Variants in PDE8B observed in about 807,000 individuals in gnomAD.
The protein encoded by PDE8B is phosphodiesterase 8B.
Under a neutral mutation model 101.3 loss-of-function variants are expected in PDE8B, and 26 were observed. The ratio of observed to expected loss-of-function variants is 0.26; its 90% CI spans 0.19 to 0.36. The LOEUF (loss-of-function observed/expected upper bound fraction) is 0.36, where lower values mean the gene tolerates loss of function less well. PDE8B is among the 10% of genes least tolerant of loss of function. The pLI is 1.00. For missense variants in PDE8B, 810 were observed against 1,163.1 expected (o/e 0.70, Z 4.42); for synonymous variants, 424 against 429.3 (o/e 0.99, Z 0.15).
chr5:77,126,264 G>A, the PDE8B span, among the ~76,000 whole-genome samples: 1 of 150,650 alleles, frequency 6.6e-6, no homozygotes, highest in Non-Finnish European at 1.5e-5. Flanking sequence ...CAGCCTGGGC[G>A]ACAGAGCAAG....
the PDE8B span, among the ~76,000 whole-genome samples, chr5:77,194,518 C>T: frequency 6.6e-6 from 1 of 152,066 alleles, no homozygotes; most frequent in Non-Finnish European, 1.5e-5. Context: ...TGTTGTGCAA[C>T]CATCACCCCT....
intron 20 of PDE8B, among the ~76,000 whole-genome samples, chr5:77,423,854 C>T (rs1413953896): frequency 6.6e-6 from 1 of 151,688 alleles, no homozygotes; most frequent in Non-Finnish European, 1.5e-5. Context: ...CCAGGCTGGT[C>T]TCGAATTCCT....
intron 1 of PDE8B, among the ~76,000 whole-genome samples, chr5:77,271,567 C>CT (rs887051183): frequency 5.8e-4 from 88 of 152,046 alleles, no homozygotes; most frequent in Non-Finnish European, 9.9e-4. Flanking sequence ...ATGTGAAGAA[C>CT]TTTTTTTTAA....
intron 1 of PDE8B, among the ~76,000 whole-genome samples, chr5:77,247,036 A>C (rs547749039): frequency 6.6e-6 from 1 of 152,368 alleles, no homozygotes; most frequent in South Asian, 2.1e-4. Flanking sequence ...TCTTGTCAAC[A>C]GTGCTTTAAT....
chr5:77,415,211 C>T (rs1795276919), intron 17 of PDE8B, among the ~76,000 whole-genome samples: 1 of 152,074 alleles, frequency 6.6e-6, no homozygotes, highest in South Asian at 2.1e-4. Context: ...CTGGTGGGTC[C>T]ATCATGAGGT....
chr5:77,391,722 C>T (rs141225257), intron 10 of PDE8B, among the ~76,000 whole-genome samples: 55 of 152,308 alleles, frequency 3.6e-4, no homozygotes, highest in African/African-American at 9.4e-4. Flanking sequence ...ACGAGCCAAT[C>T]GGCTGGCCCG....
At chr5:77,327,436 T>C (rs1405629181) in intron 3 of PDE8B, among the ~76,000 whole-genome samples, 1 of 152,226 alleles carries the variant, frequency 6.6e-6, no homozygotes, top group Non-Finnish European at 1.5e-5. Flanking sequence ...AGCCCAGTTA[T>C]GCTCATTACA....
chr5:77,402,709 C>A (rs1177842484), intron 11 of PDE8B, among the ~76,000 whole-genome samples: 2 of 152,202 alleles, frequency 1.3e-5, no homozygotes, highest in Non-Finnish European at 2.9e-5. Flanking sequence ...TATATTAACT[C>A]ACTTATTTCT....
intron 14 of PDE8B, 50 bp from the exon 15 acceptor site, chr5:77,411,626 A>G (rs1424619297): frequency 2.1e-6 from 3 of 1,430,738 alleles, no homozygotes; most frequent in Non-Finnish European, 3.0e-6. Context: ...AAAAAAGAGA[A>G]TGATAATAGA....
rs189988170 is a variant in PDE8B at position 77,255,501 on chromosome 5, T to C, written c.339+44237T>C. On this transcript the variant is annotated intron_variant, in intron 1 of 21. Transcript: ENST00000264917. ...TGAAGTCTGATGGGACAATGGAGCA[T>C]GTGCCAGGACCTTGAAGCCTTGGCT... Among the ~76,000 whole-genome samples, 4 of 152,332 alleles carry C rather than the reference T, an allele frequency of 2.6e-5. No homozygotes were observed. In the East Asian group the frequency reaches 5.8e-4, roughly 22 times the overall value.
At chr5:77,382,899 C>T (rs1489241586) in intron 10 of PDE8B, among the ~76,000 whole-genome samples, 3 of 152,168 alleles carry the variant, frequency 2.0e-5, no homozygotes, top group African/African-American at 7.2e-5. Context: ...AATAAACATA[C>T]GTATGCATGT....
rs771473616 is a variant in PDE8B at position 77,419,830 on chromosome 5, A to C, written c.2193A>C (p.Lys731Asn). ...IDMVLATEMTKHFEHVNKFVN... is the reference protein window; with the variant it reads ...IDMVLATEMTNHFEHVNKFVN... The stretch of plus-strand genomic sequence containing the variant: ...TGGTTTTGGCAACAGAGATGACAAA[A>C]CACTTTGAACATGTGAATAAGTTTG... Residue 731 changes from lysine to asparagine, a missense_variant, in exon 19 of 22, where the codon AAA (lysine) becomes AAC (asparagine). This residue lies in a region of PDE8B where 325 missense variants were observed against 560.9 expected (regional missense o/e 0.58). Transcript: ENST00000264917. 6.2e-7 allele frequency: 1 copy of C among 1,614,148 alleles called. No individual in the cohort carries two copies.
chr5:77,394,212 C>A (rs546857892), intron 10 of PDE8B, among the ~76,000 whole-genome samples: 3 of 152,260 alleles, frequency 2.0e-5, no homozygotes, highest in Non-Finnish European at 4.4e-5. Flanking sequence ...GTTGCCCGTT[C>A]ATCATGGAAC....
the PDE8B span, among the ~76,000 whole-genome samples, chr5:77,108,493 G>A: frequency 6.6e-6 from 1 of 152,076 alleles, no homozygotes; most frequent in African/African-American, 2.4e-5. Flanking sequence ...GACAAGCCTG[G>A]GCAGCATGGC....
intron 18 of PDE8B, 29 bp downstream of exon 18, chr5:77,418,475 A>C: frequency 6.6e-7 from 1 of 1,516,458 alleles, no homozygotes; most frequent in African/African-American, 1.4e-5. Flanking sequence ...CCTGTGCTCA[A>C]GTTTGTGAAG....
In PDE8B at chr5:77,399,710, GAGAA is replaced by G. The variant is rs145532190; in HGVS notation, c.1168-533_1168-530del. Among the ~76,000 whole-genome samples the G allele has an allele frequency of 9.9e-5, 15 of 152,274 alleles. No individual in the cohort carries two copies. In the East Asian group the frequency reaches 2.9e-3, roughly 29 times the overall value. On this transcript the variant is annotated intron_variant, in intron 10 of 21. Transcript: ENST00000264917. Reference sequence around the variant, plus strand: ...ATTAACAACAAAAAAAATTGATAATGAGAAAGAATAGGTGGAAAACTGCATCTAA... The same window carrying G: ...ATTAACAACAAAAAAAATTGATAATGAGAATAGGTGGAAAACTGCATCTAA...
chr5:77,385,797 T>G lies in PDE8B; in HGVS notation c.1168-14451T>G, dbSNP rs1044032938. On this transcript the variant is annotated intron_variant, in intron 10 of 21. Coordinates refer to ENST00000264917, the MANE Select transcript of PDE8B (RefSeq NM_003719.5). ...TTGTGCGGTTTTGAGTGAGTGAGGT[T>G]TTTTTTTTTTTTTTTTTTGAGATGG... Among the ~76,000 whole-genome samples the G allele has an allele frequency of 6.3e-5, 9 of 142,354 alleles. No individual in the cohort carries two copies. The East Asian group carries it at 8.0e-4, about 13-fold the overall frequency. 93.4% of individuals were successfully genotyped at this position (142,354 alleles called of 152,430 possible).
chr5:77,212,763 CT>C, intron 1 of PDE8B, among the ~76,000 whole-genome samples: 1 of 152,290 alleles, frequency 6.6e-6, no homozygotes, highest in East Asian at 1.9e-4. Context: ...CTCCCCCTCC[CT>C]GTTCACACAA....
At chr5:77,343,256 A>G (rs1028981058) in intron 6 of PDE8B, among the ~76,000 whole-genome samples, 6 of 152,212 alleles carry the variant, frequency 3.9e-5, no homozygotes, top group African/African-American at 7.2e-5. Context: ...GCATCATTTA[A>G]TGATGGGGAT....
Sources: allele counts gnomAD v4.1 joint callset (sites outside exome capture counted in the v4.1 genomes callset), GRCh38; gene constraint gnomAD v4.1.1; regional missense constraint gnomAD v4.1.1; transcripts MANE v1.5; gene names NCBI Gene and HGNC (gene_info 2026-07-23, HGNC 2026-07-21).